The following CCSER1 variants were observed in gnomAD, a reference collection of about 807,000 sequenced individuals.
The protein encoded by CCSER1 is serine-rich coiled-coil domain-containing protein 1.
CCSER1 carries 41 observed loss-of-function variants against 82.0 expected under a neutral mutation model. That is an observed-to-expected ratio of 0.50 (90% CI 0.39 to 0.65). CCSER1 has a LOEUF of 0.65. CCSER1 is among the 30% of genes least tolerant of loss of function. CCSER1 has a pLI of 0.00. For synonymous variants in CCSER1, 414 were observed against 383.9 expected (o/e 1.08, Z -0.92); for missense variants, 1,119 against 1,064.2 (o/e 1.05, Z -0.72).
chr4:90,239,210 A>G (rs1052843958), intron 1 of CCSER1, among the ~76,000 whole-genome samples: 1 of 152,182 alleles, frequency 6.6e-6, no homozygotes, highest in African/African-American at 2.4e-5. Flanking sequence ...GATTAAAAGC[A>G]CACTTGGACT....
chr4:91,383,891 C>T (rs767065551), intron 10 of CCSER1, among the ~76,000 whole-genome samples: 2 of 152,048 alleles, frequency 1.3e-5, no homozygotes, highest in Non-Finnish European at 2.9e-5. Context: ...CTTTTGTAAA[C>T]CACAAAAAAG....
At chr4:90,570,213 A>T (rs991811835) in intron 5 of CCSER1, among the ~76,000 whole-genome samples, 1 of 152,102 alleles carries the variant, frequency 6.6e-6, no homozygotes, top group Admixed American at 6.5e-5. Flanking sequence ...GTCATGATAA[A>T]TGTCTTCTTC....
intron 6 of CCSER1, among the ~76,000 whole-genome samples, chr4:90,708,407 C>G (rs901234309): frequency 5.3e-5 from 8 of 152,112 alleles, no homozygotes; most frequent in Admixed American, 1.3e-4. Context: ...AGTTCATTCA[C>G]CCCAAATTTA....
chr4:91,080,571 C>G (rs1230627137), intron 9 of CCSER1, among the ~76,000 whole-genome samples: 1 of 152,066 alleles, frequency 6.6e-6, no homozygotes, highest in Non-Finnish European at 1.5e-5. Context: ...AAGATCAGAG[C>G]AGAACTGAAG....
At chr4:90,368,282 A>G (rs1281677990) in intron 3 of CCSER1, among the ~76,000 whole-genome samples, 2 of 151,954 alleles carry the variant, frequency 1.3e-5, no homozygotes, top group Non-Finnish European at 2.9e-5. Flanking sequence ...CTTATGAGAA[A>G]AACCAAAAAC....
At chr4:90,361,241 A>C (rs1745319994) in intron 3 of CCSER1, among the ~76,000 whole-genome samples, 1 of 152,238 alleles carries the variant, frequency 6.6e-6, no homozygotes, top group Non-Finnish European at 1.5e-5. Flanking sequence ...AATTTACCTC[A>C]GGTTTCAGCA....
chr4:91,216,995 G>C (rs544291561), intron 10 of CCSER1, among the ~76,000 whole-genome samples: 1 of 152,244 alleles, frequency 6.6e-6, no homozygotes, highest in East Asian at 1.9e-4. Flanking sequence ...ATGAAGCCGC[G>C]GACCCTCGCG....
At chr4:90,192,647 G>A (rs527568299) in intron 1 of CCSER1, among the ~76,000 whole-genome samples, 6 of 152,142 alleles carry the variant, frequency 3.9e-5, no homozygotes, top group South Asian at 4.1e-4. Flanking sequence ...CTAGTGCATC[G>A]TTCCTGGCCC....
chr4:91,281,711 C>A (rs1053683289), intron 10 of CCSER1, among the ~76,000 whole-genome samples: 1 of 152,176 alleles, frequency 6.6e-6, no homozygotes, highest in South Asian at 2.1e-4. Flanking sequence ...TTTATCTCAA[C>A]AACTTGAAGT....
intron 6 of CCSER1, among the ~76,000 whole-genome samples, chr4:90,638,901 C>A (rs939365688): frequency 2.6e-5 from 4 of 152,170 alleles, no homozygotes; most frequent in Admixed American, 2.6e-4. Flanking sequence ...AGGTGTGAAT[C>A]TCACTTCTGC....
intron 6 of CCSER1, among the ~76,000 whole-genome samples, chr4:90,706,557 A>T (rs1387798423): frequency 6.6e-6 from 1 of 152,228 alleles, no homozygotes; most frequent in East Asian, 1.9e-4. Flanking sequence ...GGATGCCTTC[A>T]GTAATTAGGA....
chr4:90,916,092 A>C (rs559732777), intron 8 of CCSER1, among the ~76,000 whole-genome samples: 13 of 152,290 alleles, frequency 8.5e-5, no homozygotes, highest in African/African-American at 2.6e-4. Context: ...ATACTACCCA[A>C]GGTAATTTAT....
chr4:90,168,906 G>A (rs140146167), intron 1 of CCSER1, among the ~76,000 whole-genome samples: 3,552 of 151,170 alleles, frequency 0.023, 135 homozygotes, highest in African/African-American at 0.081. Flanking sequence ...AAGTCAGGTA[G>A]CGTGATGCCT....
chr4:91,126,407 C>T (rs1040459288), intron 10 of CCSER1, among the ~76,000 whole-genome samples: 15 of 151,826 alleles, frequency 9.9e-5, no homozygotes, highest in African/African-American at 2.7e-4. Flanking sequence ...GTGTGTAATA[C>T]AGGCTCATAA....
intron 10 of CCSER1, among the ~76,000 whole-genome samples, chr4:91,207,667 T>C (rs1393179887): frequency 6.6e-6 from 1 of 151,984 alleles, no homozygotes; most frequent in Admixed American, 6.6e-5. Flanking sequence ...TCTTTGCTAC[T>C]GTGAATAGTG....
At chr4:90,262,962 T>A (rs11945262) in intron 1 of CCSER1, among the ~76,000 whole-genome samples, 6,804 of 152,214 alleles carry the variant, frequency 0.045, 395 homozygotes, top group African/African-American at 0.13. Context: ...AGATGTGTCC[T>A]CGCTGAGTTC....
intron 5 of CCSER1, among the ~76,000 whole-genome samples, chr4:90,605,094 A>G (rs1784510339): frequency 6.6e-6 from 1 of 152,162 alleles, no homozygotes; most frequent in Admixed American, 6.5e-5. Context: ...TATGAGCTGT[A>G]ATGTTCACCA....
chr4:90,298,619 T>C (rs570042514), intron 1 of CCSER1, among the ~76,000 whole-genome samples: 7 of 152,258 alleles, frequency 4.6e-5, no homozygotes, highest in African/African-American at 1.2e-4. Context: ...CTGCTTCCTC[T>C]TGTGGGCATT....
At chr4:90,303,889 C>T (rs867575270) in intron 1 of CCSER1, among the ~76,000 whole-genome samples, 1,556 of 151,318 alleles carry the variant, frequency 0.01, 24 homozygotes, top group African/African-American at 0.035. Context: ...AGAAAATTTT[C>T]GCAACCTACT....
Sources: gnomAD v4.1 joint callset for allele counts (sites outside exome capture counted in the v4.1 genomes callset) on GRCh38, gnomAD v4.1.1 for gene constraint, MANE v1.5 for transcripts, NCBI Gene and HGNC (gene_info 2026-07-23, HGNC 2026-07-21) for gene names.